KIAA0825: variants seen among roughly 807,000 people sequenced by gnomAD.
The protein encoded by KIAA0825 is KIAA0825.
In KIAA0825, 119 loss-of-function variants were observed where a neutral mutation model predicts 147.6. That is an observed-to-expected ratio of 0.81 (90% CI 0.69 to 0.94). KIAA0825 has a LOEUF of 0.94. Among genes scored for constraint, KIAA0825 ranks in the 40% least tolerant of loss-of-function variants. The pLI is 0.00. For missense variants in KIAA0825, 1,381 were observed against 1,472.7 expected (o/e 0.94, Z 1.02); for synonymous variants, 470 against 518.1 (o/e 0.91, Z 1.26).
chr5:94,184,568 TC>T (rs1769950549), intron 20 of KIAA0825, among the ~76,000 whole-genome samples: 1 of 152,178 alleles, frequency 6.6e-6, no homozygotes, highest in African/African-American at 2.4e-5. Flanking sequence ...AGGCATAGAC[TC>T]TATCTTGTCT....
intron 14 of KIAA0825, among the ~76,000 whole-genome samples, chr5:94,434,324 G>A (rs1756071247): frequency 6.6e-6 from 1 of 152,192 alleles, no homozygotes; most frequent in Admixed American, 6.5e-5. Flanking sequence ...TGCAGCCTAT[G>A]AAGCATAAAT....
chr5:94,410,966 A>G (rs1752687668), intron 15 of KIAA0825, among the ~76,000 whole-genome samples: 1 of 152,146 alleles, frequency 6.6e-6, no homozygotes, highest in African/African-American at 2.4e-5. Flanking sequence ...ACTTTTTCCC[A>G]TTTTTAATTT....
chr5:94,582,827 C>T (rs1782460906), intron 1 of KIAA0825, among the ~76,000 whole-genome samples: 1 of 152,116 alleles, frequency 6.6e-6, no homozygotes, highest in Non-Finnish European at 1.5e-5. Context: ...TTGGAAAATG[C>T]ATATTTAAAA....
intron 20 of KIAA0825, among the ~76,000 whole-genome samples, chr5:94,288,293 AT>A (rs1777740359): frequency 6.6e-6 from 1 of 152,028 alleles, no homozygotes; most frequent in Non-Finnish European, 1.5e-5. Context: ...ATGGGCCCAG[AT>A]TTTTCCCCCC....
chr5:94,222,936 C>A (rs1202385159), intron 20 of KIAA0825, among the ~76,000 whole-genome samples: 1 of 152,032 alleles, frequency 6.6e-6, no homozygotes, highest in Non-Finnish European at 1.5e-5. Context: ...TGCACAGTTA[C>A]CCTTTTGTAT....
At chr5:94,526,003 G>C (rs1472875051) in intron 3 of KIAA0825, among the ~76,000 whole-genome samples, 1 of 151,890 alleles carries the variant, frequency 6.6e-6, no homozygotes, top group African/African-American at 2.4e-5. Context: ...ATCTACACCT[G>C]ATTTTGTTTT....
chr5:94,354,170 T>C (rs1309234157), intron 20 of KIAA0825, among the ~76,000 whole-genome samples: 1 of 152,204 alleles, frequency 6.6e-6, no homozygotes, highest in Non-Finnish European at 1.5e-5. Flanking sequence ...CTTGATACTT[T>C]CCTACCAAGA....
At chr5:94,354,819 CTG>C (rs1243349772) in intron 20 of KIAA0825, among the ~76,000 whole-genome samples, 1 of 152,166 alleles carries the variant, frequency 6.6e-6, no homozygotes, top group Non-Finnish European at 1.5e-5. Context: ...GAGTCAAACT[CTG>C]TAAAATATTT....
chr5:94,311,225 T>C lies in KIAA0825; in HGVS notation c.3710+73143A>G, dbSNP rs374349323. ...CAAAGCAATTGCTTTGTTTTGTTTT[T>C]GGATTTTTGTTTTTTGGGTTTTTTT... is the stretch of plus-strand genomic sequence containing the variant. On this transcript the variant is annotated intron_variant, in intron 20 of 20. Coordinates refer to ENST00000682413, the MANE Select transcript of KIAA0825 (RefSeq NM_001145678.3). 1.1e-4 allele frequency among the ~76,000 whole-genome samples: 17 copies of C among 151,400 alleles called. No homozygotes were observed. In the South Asian group the frequency reaches 2.9e-3, roughly 26 times the overall value.
At chr5:94,177,570 A>G (rs1769221357) in intron 20 of KIAA0825, among the ~76,000 whole-genome samples, 1 of 152,108 alleles carries the variant, frequency 6.6e-6, no homozygotes, top group African/African-American at 2.4e-5. Context: ...TGTGGAATGT[A>G]TTAATATTGG....
At chr5:94,521,892 T>C (rs1768280212) in intron 4 of KIAA0825, among the ~76,000 whole-genome samples, 1 of 151,722 alleles carries the variant, frequency 6.6e-6, no homozygotes, top group African/African-American at 2.4e-5. Flanking sequence ...GCTTTACAAT[T>C]TCTTATTGAT....
intron 1 of KIAA0825, among the ~76,000 whole-genome samples, chr5:94,602,747 C>T (rs1318150481): frequency 6.6e-6 from 1 of 152,098 alleles, no homozygotes; most frequent in African/African-American, 2.4e-5. Context: ...TTTGTTTCAC[C>T]TTCCACCATG....
rs1013469984 is a variant in KIAA0825, at chr5:94,602,185, T to C, written c.-153+16315A>G. 5.9e-5 allele frequency among the ~76,000 whole-genome samples: 9 copies of C among 152,070 alleles called. No individual in the cohort carries two copies. In the East Asian group the frequency reaches 1.7e-3, roughly 30 times the overall value. ...TAACATGGTGAAACCTCATCTCTAT[T>C]AAAAATACAAAAAAAATTAGCCAGG... On this transcript the variant is annotated intron_variant, in intron 1 of 20. Coordinates refer to ENST00000682413, the MANE Select transcript of KIAA0825 (RefSeq NM_001145678.3).
At chr5:94,326,664 C>G (rs931992200) in intron 20 of KIAA0825, among the ~76,000 whole-genome samples, 2 of 152,152 alleles carry the variant, frequency 1.3e-5, no homozygotes, top group Non-Finnish European at 2.9e-5. Context: ...AACTCTCAGA[C>G]ACAATACTGG....
chr5:94,163,509 G>T (rs1054711823), intron 20 of KIAA0825, among the ~76,000 whole-genome samples: 20 of 151,954 alleles, frequency 1.3e-4, no homozygotes, highest in Non-Finnish European at 2.5e-4. Context: ...CTCCTCAAAG[G>T]CATAGAGTAG....
At chr5:94,283,264 G>A (rs1393950991) in intron 20 of KIAA0825, among the ~76,000 whole-genome samples, 2 of 152,088 alleles carry the variant, frequency 1.3e-5, no homozygotes, top group African/African-American at 4.8e-5. Flanking sequence ...TCTTGTGACA[G>A]ATATTATTTC....
chr5:94,578,150 A>G (rs1781406664), intron 2 of KIAA0825, among the ~76,000 whole-genome samples: 1 of 152,254 alleles, frequency 6.6e-6, no homozygotes. Context: ...GCCAATAGAT[A>G]GCCAAGAAGT....
At chr5:94,563,143 C>T (rs950355104) in intron 2 of KIAA0825, among the ~76,000 whole-genome samples, 1 of 151,444 alleles carries the variant, frequency 6.6e-6, no homozygotes, top group South Asian at 2.1e-4. Context: ...AGATCGAGAC[C>T]GTCCTGGCTA....
chr5:94,523,996 A>C lies in KIAA0825; in HGVS notation c.234T>G (p.Tyr78Ter). Residue 78 changes from tyrosine to a stop codon, truncating the protein, a stop_gained, in exon 4 of 21, where the codon TAT becomes TAG. Coordinates refer to ENST00000682413, the MANE Select transcript of KIAA0825 (RefSeq NM_001145678.3). LOFTEE classifies it high-confidence loss of function. ...AAGATGATTCAGATGTACTGTAATT[A>C]TAGTTAGTTAGCCATTCAAAGCAGT... ...TTDCFEWLTNYNYSTSESSFI... is the reference protein window; with the variant it reads ...TTDCFEWLTN The C allele has an allele frequency of 6.2e-7, 1 of 1,609,654 alleles. No individual in the cohort carries two copies. Among genetic ancestry groups the C allele is most frequent in the Non-Finnish European group, 8.5e-7 (1 of 1,177,012 alleles).
Sources: gnomAD v4.1 joint callset for allele counts (sites outside exome capture counted in the v4.1 genomes callset) on GRCh38, gnomAD v4.1.1 for gene constraint, MANE v1.5 for transcripts, NCBI Gene and HGNC (gene_info 2026-07-23, HGNC 2026-07-21) for gene names.